Variants in MAN1C1 observed in about 807,000 individuals in gnomAD.
The protein encoded by MAN1C1 is mannosidase alpha class 1C member 1, also known as mannosyl-oligosaccharide 1,2-alpha-mannosidase IC.
In MAN1C1, 49 loss-of-function variants were observed where a neutral mutation model predicts 71.5. The observed-to-expected ratio is 0.69, with a 90% CI of 0.54 to 0.87. The LOEUF is 0.87. Among genes scored for constraint, MAN1C1 ranks in the 40% least tolerant of loss-of-function variants. The probability of loss-of-function intolerance (pLI) is 0.00; values close to 1 mark genes in which losing one functional copy is unlikely to be tolerated. For synonymous variants in MAN1C1, 352 were observed against 343.7 expected, an observed-to-expected ratio of 1.02 and a Z score of -0.27; for missense variants, 743 against 835.0, an observed-to-expected ratio of 0.89 and a Z score of 1.36.
chr1:25,664,444 T>C (rs964245834), intron 1 of MAN1C1, among the ~76,000 whole-genome samples: 3 of 152,216 alleles, frequency 2.0e-5, no homozygotes, highest in African/African-American at 7.2e-5. Flanking sequence ...GTGCTCACTT[T>C]CCATGTATCC....
intron 2 of MAN1C1, among the ~76,000 whole-genome samples, chr1:25,727,827 C>T (rs575734892): frequency 1.8e-4 from 28 of 152,380 alleles, no homozygotes; most frequent in African/African-American, 6.5e-4. Context: ...TGCCCAGCCA[C>T]ATCCAAAGGC....
rs2047648849 is a variant in MAN1C1 at position 25,778,330 on chromosome 1, C to A, written c.1477+6C>A. ...CGAGTCATACGCCCGCTCAGGTAAC[C>A]CTGCAAGGGGAAGGGGCAGCAGGAG... is the stretch of plus-strand genomic sequence containing the variant. On this transcript the variant is annotated splice_donor_region_variant and intron_variant, in intron 9 of 11. Transcript: ENST00000374332. The surrounding 1 kb of genome is among the most constrained non-coding windows in gnomAD (Gnocchi z 5.5). The A allele has an allele frequency of 1.2e-6, 2 of 1,601,470 alleles. No individual in the cohort carries two copies. The highest frequency in any genetic ancestry group is 1.7e-6 in the Non-Finnish European group (2 of 1,171,860).
At chr1:25,726,673 C>T (rs1165014162) in intron 2 of MAN1C1, among the ~76,000 whole-genome samples, 1 of 152,052 alleles carries the variant, frequency 6.6e-6, no homozygotes, top group African/African-American at 2.4e-5. Context: ...TTTGGACAAG[C>T]TTCTTAGCTT....
rs138881875 is a variant in MAN1C1 at position 25,775,200 on chromosome 1, C to T, written c.1258-2905C>T. Among the ~76,000 whole-genome samples, 165 of 152,344 alleles carry T rather than the reference C, an allele frequency of 1.1e-3. No individual in the cohort carries two copies. The highest frequency in any genetic ancestry group is 3.7e-3 in the African/African-American group (152 of 41,576). ...GTTTCTGAGCCCTGACACTCCTCCC[C>T]TGCACCGCAGGCTTAGTGACGCCGA... is the stretch of plus-strand genomic sequence containing the variant. On this transcript the variant is annotated intron_variant, in intron 8 of 11. Coordinates refer to ENST00000374332, the MANE Select transcript of MAN1C1 (RefSeq NM_020379.4). The surrounding 1 kb of genome is among the most constrained non-coding windows in gnomAD (Gnocchi z 5.1).
chr1:25,665,085 C>T (rs770271041), intron 1 of MAN1C1, among the ~76,000 whole-genome samples: 14 of 152,110 alleles, frequency 9.2e-5, no homozygotes, highest in African/African-American at 2.7e-4. Flanking sequence ...TGTGTAGAAA[C>T]GGTTTCTGAC....
chr1:25,766,348 G>GT lies in MAN1C1; in HGVS notation c.1141+2391dup, dbSNP rs61300222. Among the ~76,000 whole-genome samples the GT allele has an allele frequency of 8.3e-3, 1,225 of 147,742 alleles. 9 individuals are homozygous for GT. The highest frequency in any genetic ancestry group is 0.018 in the African/African-American group (732 of 40,440). On this transcript the variant is annotated intron_variant, in intron 7 of 11. Coordinates refer to ENST00000374332, the MANE Select transcript of MAN1C1 (RefSeq NM_020379.4). ...TCAGGTTTCCTGTGGTTTTTTGTTG[G>GT]TTTTTTTTTTGGTGCATACGTATTC...
chr1:25,771,604 G>A (rs1032294587), intron 7 of MAN1C1, 53 bp from the exon 8 acceptor site: 24 of 1,431,772 alleles, frequency 1.7e-5, no homozygotes, highest in Admixed American at 8.4e-5. Context: ...GCCCTGCCCC[G>A]TGAGAGCCGG....
Position 25,783,755 on chromosome 1 carries a change from C to T in MAN1C1, c.1859C>T (p.Ser620Leu). The change falls in exon 12 of 12, where the codon TCA (serine) becomes TTA (leucine). Residue 620 changes from serine to leucine, a missense_variant. Transcript: ENST00000374332. ...TEAHPLPVNH[S>L]DSSGRAWGRH ...GCCCACCCACTCCCGGTGAACCACT[C>T]AGACAGCTCCGGCAGAGCCTGGGGC... 6.2e-7 allele frequency: 1 copy of T among 1,612,814 alleles called. No individual in the cohort carries two copies. Among genetic ancestry groups the T allele is most frequent in the South Asian group, 1.1e-5 (1 of 91,082 alleles).
At chr1:25,668,373 G>T (rs969491897) in intron 1 of MAN1C1, among the ~76,000 whole-genome samples, 1 of 152,146 alleles carries the variant, frequency 6.6e-6, no homozygotes, top group Admixed American at 6.5e-5. Context: ...GGCCATGAAG[G>T]CAGCCGCCAT....
At chr1:25,639,100 G>A (rs2045503611) in intron 1 of MAN1C1, among the ~76,000 whole-genome samples, 1 of 151,960 alleles carries the variant, frequency 6.6e-6, no homozygotes, top group Non-Finnish European at 1.5e-5. Context: ...CTATCTTTAA[G>A]TTCACTGAAC....
intron 6 of MAN1C1, among the ~76,000 whole-genome samples, chr1:25,762,584 G>C (rs530817454): frequency 1.3e-5 from 2 of 151,788 alleles, no homozygotes; most frequent in Non-Finnish European, 2.9e-5. Flanking sequence ...GTGCCACCAC[G>C]CCTGGCCAAT....
chr1:25,778,014 GTC>G lies in MAN1C1; in HGVS notation c.1258-88_1258-87del. 9.9e-7 allele frequency: 1 copy of G among 1,009,642 alleles called. No individual in the cohort carries two copies. Among genetic ancestry groups the G allele is most frequent in the Non-Finnish European group, 1.4e-6 (1 of 696,646 alleles). The allele number at this position is 1,009,642 out of a possible 1,614,324, so 62.5% of individuals were successfully genotyped here. Reference sequence around the variant, plus strand: ...GCTTGGCAGAGCTGCCCTTGCTACTGTCTCCAAAATGTTCATTTTCCATCCTT... The same window carrying G: ...GCTTGGCAGAGCTGCCCTTGCTACTGTCCAAAATGTTCATTTTCCATCCTT... On this transcript the variant is annotated intron_variant, in intron 8 of 11. Transcript: ENST00000374332. This position sits in a 1 kb window ranked among gnomAD's most constrained non-coding sequence, Gnocchi z 5.5.
At chr1:25,680,506 G>C (rs1036859886) in intron 1 of MAN1C1, among the ~76,000 whole-genome samples, 2 of 152,102 alleles carry the variant, frequency 1.3e-5, no homozygotes, top group African/African-American at 4.8e-5. Flanking sequence ...CCACTAATCT[G>C]CTTTCTGCTC....
chr1:25,779,461 G>A lies in MAN1C1; in HGVS notation c.1477+1137G>A, dbSNP rs1484185164. 6.6e-6 allele frequency among the ~76,000 whole-genome samples: 1 copy of A among 152,144 alleles called. No individual in the cohort carries two copies. The highest frequency in any genetic ancestry group is 2.4e-5 in the African/African-American group (1 of 41,432). On this transcript the variant is annotated intron_variant, in intron 9 of 11. Coordinates refer to ENST00000374332, the MANE Select transcript of MAN1C1 (RefSeq NM_020379.4). This position sits in a 1 kb window ranked among gnomAD's most constrained non-coding sequence, Gnocchi z 4.6. ...GCTGTTTCCAGGAAGTCAGAGATTC[G>A]CAATGGGTCTTTAAAACTGGTTGTC... is the stretch of plus-strand genomic sequence containing the variant.
At chr1:25,676,385 G>A (rs547706279) in intron 1 of MAN1C1, among the ~76,000 whole-genome samples, 2 of 152,274 alleles carry the variant, frequency 1.3e-5, no homozygotes, top group East Asian at 3.9e-4. Flanking sequence ...CAGCTTCTGA[G>A]CGATAGACCT....
At chr1:25,766,751 C>T (rs1328415190) in intron 7 of MAN1C1, among the ~76,000 whole-genome samples, 2 of 152,224 alleles carry the variant, frequency 1.3e-5, no homozygotes, top group East Asian at 1.9e-4. Flanking sequence ...GTCACCAGCC[C>T]CTCGGTGCGG....
At chr1:25,633,113 C>T (rs1051364062) in intron 1 of MAN1C1, among the ~76,000 whole-genome samples, 1 of 152,090 alleles carries the variant, frequency 6.6e-6, no homozygotes, top group African/African-American at 2.4e-5. Context: ...GATCCACCAT[C>T]GTTGGTCTCC....
Position 25,617,793 on chromosome 1 carries a change from C to T in MAN1C1, c.-5C>T, listed in dbSNP as rs760560757. 5 of 1,587,414 alleles carry T rather than the reference C, an allele frequency of 3.1e-6. No individual in the cohort carries two copies. Among genetic ancestry groups the T allele is most frequent in the Admixed American group, 1.7e-5 (1 of 57,504 alleles). On this transcript the variant is annotated 5_prime_UTR_variant, in exon 1 of 12. Transcript: ENST00000374332. This position sits in a 1 kb window ranked among gnomAD's most constrained non-coding sequence, Gnocchi z 5.1. ...AGGGCTTCTGGAGCCACCGGCCGGG[C>T]CACGATGCTCATGAGGAAAGTGCCC...
chr1:25,647,926 C>T (rs1055912365), intron 1 of MAN1C1, among the ~76,000 whole-genome samples: 4 of 152,126 alleles, frequency 2.6e-5, no homozygotes, highest in African/African-American at 9.7e-5. Flanking sequence ...GTTAAAGCCT[C>T]TGGGGTGCTG....
Sources: gnomAD v4.1 joint callset for allele counts (sites outside exome capture counted in the v4.1 genomes callset) on GRCh38, gnomAD v4.1.1 for gene constraint, Gnocchi (gnomAD v3.1) non-coding constraint, MANE v1.5 for transcripts, NCBI Gene and HGNC (gene_info 2026-07-23, HGNC 2026-07-21) for gene names.